Variants in PDXDC1 observed in about 807,000 individuals in gnomAD.
PDXDC1 encodes the protein pyridoxal-dependent decarboxylase domain-containing protein 1.
In PDXDC1, 42 loss-of-function variants were observed where a neutral mutation model predicts 100.1. The observed-to-expected ratio is 0.42, with a 90% confidence interval of 0.33 to 0.54. The LOEUF is 0.54. PDXDC1 is among the 20% of genes least tolerant of loss of function. The pLI, the probability that PDXDC1 is intolerant of heterozygous loss-of-function variation, is 0.10. For synonymous variants in PDXDC1, 260 were observed against 371.7 expected (o/e 0.70, Z 3.46); for missense variants, 636 against 979.2 (o/e 0.65, Z 4.68).
rs930232634 is a variant in PDXDC1 at position 15,035,877 on chromosome 16, T to G, written c.2108-139T>G. On this transcript the variant is annotated intron_variant, in intron 22 of 22. Coordinates refer to ENST00000396410, the MANE Select transcript of PDXDC1 (RefSeq NM_015027.4). ...GCTAGCAGCTCTCGGTTTTCTCATC[T>G]CCTAAAACACCTCAGAGCCAGTAAA... 1.2e-5 allele frequency: 11 copies of G among 923,488 alleles called. No individual in the cohort carries two copies. In the African/African-American group the frequency reaches 1.3e-4, roughly 11 times the overall value. 57.2% of individuals were successfully genotyped at this position (923,488 alleles called of 1,614,324 possible).
chr16:15,081,535 C>T (rs570047681), intron 16 of PDXDC1, among the ~76,000 whole-genome samples: 2 of 152,204 alleles, frequency 1.3e-5, no homozygotes, highest in South Asian at 4.1e-4. Flanking sequence ...GGGCTATTTG[C>T]CCTTTTATTA....
intron 16 of PDXDC1, chr16:15,056,015 C>T (rs1040561497): frequency 4.6e-6 from 5 of 1,075,832 alleles, no homozygotes; most frequent in Non-Finnish European, 3.5e-6. Flanking sequence ...GCGGCGGCCC[C>T]CCGCTTTGCA....
At chr16:15,103,758 G>A (rs1433724898) in intron 16 of PDXDC1, among the ~76,000 whole-genome samples, 2 of 116,938 alleles carry the variant, frequency 1.7e-5, no homozygotes, top group African/African-American at 3.2e-5. Flanking sequence ...TGCCCGCCTC[G>A]GCCTCCCAAA....
Position 15,080,142 on chromosome 16 carries a change from G to A in PDXDC1, c.1399+50086G>A, listed in dbSNP as rs747616796. 2.1e-5 allele frequency: 32 copies of A among 1,543,682 alleles called. No homozygotes were observed. In the Admixed American group the frequency reaches 5.3e-4, roughly 26 times the overall value. ...TAAAACATTTCAACAGAGAATAAACGTTTCACAGTTATGTAAGCAAAACAT... is the reference window on the plus strand; with the variant it reads ...TAAAACATTTCAACAGAGAATAAACATTTCACAGTTATGTAAGCAAAACAT... On this transcript the variant is annotated intron_variant, in intron 16 of 16. Transcript: ENST00000535621.
intron 16 of PDXDC1, among the ~76,000 whole-genome samples, chr16:15,124,424 G>A (rs969424381): frequency 1.2e-4 from 19 of 152,180 alleles, no homozygotes; most frequent in African/African-American, 4.6e-4. Flanking sequence ...GCTACAAATA[G>A]AAAGCCAATG....
intron 16 of PDXDC1, among the ~76,000 whole-genome samples, chr16:15,101,856 TTTA>T (rs1322104982): frequency 9.2e-5 from 14 of 151,356 alleles, no homozygotes; most frequent in African/African-American, 3.2e-4. Flanking sequence ...TTTGTGTGTT[TTTA>T]TTGTCTCGAG....
chr16:15,081,426 T>C (rs1481153642), intron 16 of PDXDC1, among the ~76,000 whole-genome samples: 4 of 152,220 alleles, frequency 2.6e-5, no homozygotes, highest in South Asian at 4.1e-4. Flanking sequence ...CTTGTGGGCA[T>C]GAAGTGAAAT....
chr16:15,086,012 C>T, intron 16 of PDXDC1: 1 of 704,902 alleles, frequency 1.4e-6, no homozygotes, highest in Non-Finnish European at 2.4e-6. Flanking sequence ...TCTACCAGAC[C>T]TGGTGCCAAT....
At chr16:15,054,350 G>GT (rs1170681825) in intron 16 of PDXDC1, among the ~76,000 whole-genome samples, 3 of 152,252 alleles carry the variant, frequency 2.0e-5, no homozygotes, top group African/African-American at 7.2e-5. Context: ...AGCAGCCCCG[G>GT]TATGTCACCA....
At chr16:15,006,089 A>C (rs564910226) in intron 5 of PDXDC1, among the ~76,000 whole-genome samples, 2 of 152,302 alleles carry the variant, frequency 1.3e-5, no homozygotes, top group African/African-American at 2.4e-5. Context: ...CTTAGTTCAT[A>C]ATAAGCCAGA....
At chr16:15,141,438 G>A (rs2048474012), downstream of PDXDC1, among the ~76,000 whole-genome samples, 2 of 152,232 alleles carry the variant, frequency 1.3e-5, no homozygotes, top group South Asian at 4.1e-4. Context: ...GCTGGGCACT[G>A]GCTCCCGGAG....
chr16:15,124,297 T>A (rs2047583123), intron 16 of PDXDC1, among the ~76,000 whole-genome samples: 2 of 152,204 alleles, frequency 1.3e-5, no homozygotes, highest in African/African-American at 4.8e-5. Context: ...TTCTGCCCAA[T>A]CACACAGAGT....
At chr16:15,018,105 T>TC (rs2041930061) in intron 11 of PDXDC1, among the ~76,000 whole-genome samples, 1 of 150,594 alleles carries the variant, frequency 6.6e-6, no homozygotes, top group Non-Finnish European at 1.5e-5. Flanking sequence ...TTTTTTTTTT[T>TC]AATCGTAGTT....
At chr16:15,087,115 T>C (rs2045940681) in intron 16 of PDXDC1, among the ~76,000 whole-genome samples, 1 of 152,138 alleles carries the variant, frequency 6.6e-6, no homozygotes, top group African/African-American at 2.4e-5. Context: ...CTATATTAAT[T>C]ATATTCATGC....
intron 16 of PDXDC1, chr16:15,094,305 G>A (rs2046269404): frequency 2.2e-6 from 3 of 1,339,798 alleles, no homozygotes; most frequent in Admixed American, 2.2e-5. Context: ...CCTCTGTCCC[G>A]GAAGTTGCGC....
At chr16:15,024,341 A>G (rs2042421782) in intron 13 of PDXDC1, among the ~76,000 whole-genome samples, 2 of 151,904 alleles carry the variant, frequency 1.3e-5, no homozygotes, top group Admixed American at 6.6e-5. Context: ...CCCTCCCAAC[A>G]GTCTCCTTTG....
intron 16 of PDXDC1, among the ~76,000 whole-genome samples, chr16:15,124,074 C>T (rs531989940): frequency 1.2e-3 from 185 of 152,284 alleles, no homozygotes; most frequent in African/African-American, 4.2e-3. Flanking sequence ...CTCTCAGGGA[C>T]GTCCAAGGAA....
intron 8 of PDXDC1, among the ~76,000 whole-genome samples, chr16:15,013,687 C>T (rs145539474): frequency 0.047 from 7,112 of 149,772 alleles, 13 homozygotes; most frequent in Non-Finnish European, 0.07. Context: ...CCAGCCTGAC[C>T]AATGTGGTAA....
chr16:15,092,450 C>T, intron 16 of PDXDC1: 2 of 1,002,636 alleles, frequency 2.0e-6, no homozygotes, highest in Non-Finnish European at 3.2e-6. Flanking sequence ...TTTAGTATAA[C>T]AGCAATAGTT....
Sources: gnomAD v4.1 joint callset for allele counts (sites outside exome capture counted in the v4.1 genomes callset) on GRCh38, gnomAD v4.1.1 for gene constraint, MANE v1.5 for transcripts, NCBI Gene and HGNC (gene_info 2026-07-23, HGNC 2026-07-21) for gene names.